Variants in RAF1 observed in about 807,000 individuals in gnomAD.
RAF1 encodes Raf-1 proto-oncogene, serine/threonine kinase, also known as RAF proto-oncogene serine/threonine-protein kinase.
RAF1 carries 27 observed loss-of-function variants against 81.1 expected under a neutral mutation model. That is an observed-to-expected ratio of 0.33 (90% CI 0.25 to 0.46). The LOEUF (loss-of-function observed/expected upper bound fraction) is 0.46. Ranked by LOEUF, RAF1 falls within the 20% of genes least tolerant of loss-of-function variation. RAF1 has a pLI of 1.00. For missense variants in RAF1, 598 were observed against 826.0 expected (o/e 0.72, Z 3.38); for synonymous variants, 298 against 294.0 (o/e 1.01, Z -0.14).
Position 12,663,993 on chromosome 3 carries a change from G to GC in RAF1, c.-208dup, listed in dbSNP as rs2060970730. 1 of 398,408 alleles carries GC rather than the reference G, an allele frequency of 2.5e-6. No individual in the cohort carries two copies. The highest frequency in any genetic ancestry group is 4.4e-6 in the Non-Finnish European group (1 of 226,008). The allele number at this position is 398,408 out of a possible 1,614,324, so 24.7% of individuals were successfully genotyped here. A position where few individuals can be genotyped will look rare whatever the true frequency, so the allele number is the denominator to read the frequency against. ...ACGCGCTCCGCGCCTCAGGGCACGC[G>GC]CCCCAAAGCCCGGCCAGCTGACCCT... On this transcript the variant is annotated 5_prime_UTR_variant, in exon 1 of 18. Coordinates refer to ENST00000442415, the MANE Select transcript of RAF1 (RefSeq NM_001354689.3).
At chr3:12,607,666 A>G (rs1197372961) in intron 5 of RAF1, among the ~76,000 whole-genome samples, 2 of 151,760 alleles carry the variant, frequency 1.3e-5, no homozygotes, top group African/African-American at 2.4e-5. Flanking sequence ...AATAATAAAA[A>G]AAAAGGCTGG....
chr3:12,630,741 T>C (rs1044454604), intron 1 of RAF1, among the ~76,000 whole-genome samples: 2 of 152,172 alleles, frequency 1.3e-5, no homozygotes, highest in African/African-American at 2.4e-5. Context: ...TGCCTTTTAC[T>C]GAGTGAAGTG....
At chr3:12,617,473 G>A (rs973639180) in intron 2 of RAF1, among the ~76,000 whole-genome samples, 2 of 151,998 alleles carry the variant, frequency 1.3e-5, no homozygotes, top group African/African-American at 4.8e-5. Context: ...GACTGGTCTC[G>A]AACTCCTGAG....
In RAF1 at chr3:12,598,009, CCT is replaced by C. The variant is rs1491522365; in HGVS notation, c.1168+1680_1168+1681del. 2.4e-3 allele frequency among the ~76,000 whole-genome samples: 130 copies of C among 54,308 alleles called. 1 individual carries two copies. Among genetic ancestry groups the C allele is most frequent in the Middle Eastern group, 7.9e-3 (1 of 126 alleles). 35.6% of individuals were successfully genotyped at this position (54,308 alleles called of 152,430 possible). A position where few individuals can be genotyped will look rare whatever the true frequency, so the allele number is the denominator to read the frequency against. ...TACATACTAGATGCAATTTTCTTTT[CCT>C]TTTTTTTTTTTTTTCTGAGACAGGG... On this transcript the variant is annotated intron_variant, in intron 11 of 17. Transcript: ENST00000442415.
chr3:12,663,206 C>T (rs2060936401), intron 1 of RAF1, among the ~76,000 whole-genome samples: 1 of 152,190 alleles, frequency 6.6e-6, no homozygotes, highest in Non-Finnish European at 1.5e-5. Context: ...CAAAAGACAG[C>T]CCTGGCTCTT....
intron 2 of RAF1, among the ~76,000 whole-genome samples, chr3:12,613,665 C>G (rs1325531404): frequency 6.6e-6 from 1 of 152,128 alleles, no homozygotes; most frequent in Non-Finnish European, 1.5e-5. Context: ...AGGCTCCAAA[C>G]TAGGGCATAG....
At chr3:12,613,869 G>A (rs1030117309) in intron 2 of RAF1, among the ~76,000 whole-genome samples, 1 of 152,180 alleles carries the variant, frequency 6.6e-6, no homozygotes, top group Non-Finnish European at 1.5e-5. Context: ...TCCACATTGA[G>A]AGTACAGTAT....
chr3:12,587,837 C>CTTTTTTTTTTTTTTTTTTT lies in RAF1; in HGVS notation c.1431-201_1431-200insAAAAAAAAAAAAAAAAAAA, dbSNP rs374515740. The stretch of plus-strand genomic sequence containing the variant: ...GGCCACAGCACAAACATGCTTACAC[C>CTTTTTTTTTTTTTTTTTTT]TTTTTTTTTTTTTTTTTGGAGACTG... On this transcript the variant is annotated intron_variant, in intron 13 of 17. Coordinates refer to ENST00000442415, the MANE Select transcript of RAF1 (RefSeq NM_001354689.3). 41 of 194,692 alleles carry CTTTTTTTTTTTTTTTTTTT rather than the reference C, an allele frequency of 2.1e-4. 2 individuals are homozygous for CTTTTTTTTTTTTTTTTTTT. Among genetic ancestry groups the CTTTTTTTTTTTTTTTTTTT allele is most frequent in the African/African-American group, 1.2e-3 (38 of 31,294 alleles). 12.1% of individuals were successfully genotyped at this position (194,692 alleles called of 1,614,324 possible). A position where few individuals can be genotyped will look rare whatever the true frequency, so the allele number is the denominator to read the frequency against.
At chr3:12,642,719 C>CAAAA (rs59553592) in intron 1 of RAF1, among the ~76,000 whole-genome samples, 3 of 141,376 alleles carry the variant, frequency 2.1e-5, no homozygotes, top group African/African-American at 8.1e-5. Context: ...CACACACACA[C>CAAAA]AAAATAGCTG....
intron 1 of RAF1, among the ~76,000 whole-genome samples, chr3:12,649,013 C>G (rs2060439439): frequency 6.6e-6 from 1 of 152,032 alleles, no homozygotes; most frequent in African/African-American, 2.4e-5. Flanking sequence ...ACTTGGGAGG[C>G]TGAGGCAGGA....
At chr3:12,642,884 C>T (rs548766928) in intron 1 of RAF1, among the ~76,000 whole-genome samples, 13 of 149,220 alleles carry the variant, frequency 8.7e-5, no homozygotes, top group African/African-American at 2.7e-4. Context: ...AAGACTCTGT[C>T]TCAGAAAAAA....
chr3:12,617,544 C>A (rs911999237), intron 2 of RAF1, among the ~76,000 whole-genome samples: 3 of 152,150 alleles, frequency 2.0e-5, no homozygotes, highest in African/African-American at 7.2e-5. Flanking sequence ...TAAATCACCA[C>A]ACCCAGCCAG....
chr3:12,586,049 C>G, intron 14 of RAF1: 2 of 484,954 alleles, frequency 4.1e-6, no homozygotes, highest in Non-Finnish European at 7.5e-6. Context: ...GCGTTTCTTC[C>G]CTGCTTCTTC....
intron 13 of RAF1, 99 bp downstream of exon 12, chr3:12,590,699 A>C: frequency 7.5e-7 from 1 of 1,327,314 alleles, no homozygotes; most frequent in Non-Finnish European, 1.1e-6. Flanking sequence ...GATATCACAG[A>C]ATCGCTTAAT....
chr3:12,624,903 CAAAA>C (rs1288172083), intron 1 of RAF1, among the ~76,000 whole-genome samples: 5 of 126,250 alleles, frequency 4.0e-5, no homozygotes, highest in African/African-American at 1.6e-4. Context: ...AAAAAAAAAA[CAAAA>C]ACAAAAACAA....
In RAF1 at chr3:12,603,500, C is replaced by T. The variant is rs1276081837; in HGVS notation, c.872G>A (p.Arg291Lys). 6 of 701,178 alleles carry T rather than the reference C, an allele frequency of 8.6e-6. No individual in the cohort carries two copies. Among genetic ancestry groups the T allele is most frequent in the Non-Finnish European group, 1.6e-5 (6 of 383,770 alleles). The allele number at this position is 701,178 out of a possible 1,614,324, so 43.4% of individuals were successfully genotyped here. ...TACTCTTCCCCTCAAACAAAATCGT[C>T]TGGACCACGCCCTGGGAGAAGCACT... is the stretch of plus-strand genomic sequence containing the variant. The change falls in exon 8 of 18, where the codon AGA (arginine) becomes AAA (lysine). Residue 291 changes from arginine (R) to lysine (K), a missense_variant. Around this residue, in one of 5 missense-constraint regions of RAF1, gnomAD observed 194 missense variants for 202.7 expected, o/e 0.96. Coordinates refer to ENST00000442415, the MANE Select transcript of RAF1 (RefSeq NM_001354689.3).
In RAF1 at chr3:12,609,046, T is replaced by A; in HGVS notation, c.424-123A>T. The stretch of plus-strand genomic sequence containing the variant: ...ATCATACTTCCAGCATGTACAGAAT[T>A]CATAATCACAAATTAGAGTATATCT... On this transcript the variant is annotated intron_variant, in intron 4 of 17. Transcript: ENST00000442415. The A allele has an allele frequency of 2.5e-6, 3 of 1,201,666 alleles. No homozygotes were observed. The South Asian group carries it at 3.9e-5, about 16-fold the overall frequency. 74.4% of individuals were successfully genotyped at this position (1,201,666 alleles called of 1,614,324 possible).
chr3:12,624,003 T>TAC (rs1170849395), intron 1 of RAF1, among the ~76,000 whole-genome samples: 6 of 151,730 alleles, frequency 4.0e-5, no homozygotes, highest in African/African-American at 1.5e-4. Context: ...TACAGGCATG[T>TAC]ACCACCACAC....
At chr3:12,624,132 G>A (rs1401919648) in intron 1 of RAF1, among the ~76,000 whole-genome samples, 1 of 152,046 alleles carries the variant, frequency 6.6e-6, no homozygotes, top group Non-Finnish European at 1.5e-5. Context: ...GGGATTACAG[G>A]TGTGAGCCAC....
Sources: gnomAD v4.1 joint callset for allele counts (sites outside exome capture counted in the v4.1 genomes callset) on GRCh38, gnomAD v4.1.1 for gene constraint, gnomAD v4.1.1 regional missense constraint, MANE v1.5 for transcripts, NCBI Gene and HGNC (gene_info 2026-07-23, HGNC 2026-07-21) for gene names.